DAB1: variants seen among roughly 807,000 people sequenced by gnomAD.
The protein encoded by DAB1 is DAB adaptor protein 1.
DAB1 carries 15 observed loss-of-function variants against 64.6 expected under a neutral mutation model. That is an observed-to-expected ratio of 0.23 (90% CI 0.16 to 0.36). The LOEUF (loss-of-function observed/expected upper bound fraction) is 0.36, where lower values mean the gene tolerates loss of function less well. Among genes scored for constraint, DAB1 ranks in the 10% least tolerant of loss-of-function variants. The pLI is 1.00. For missense variants in DAB1, 596 were observed against 706.7 expected (o/e 0.84, Z 1.78); for synonymous variants, 235 against 251.9 (o/e 0.93, Z 0.64).
chr1:57,201,628 A>T (rs1433124439), intron 2 of DAB1, among the ~76,000 whole-genome samples: 1 of 152,178 alleles, frequency 6.6e-6, no homozygotes, highest in Admixed American at 6.5e-5. Flanking sequence ...ACAACTGTGG[A>T]TTCAGCAGGA....
At chr1:58,316,518 C>T (rs1305769055) in intron 4 of DAB1, among the ~76,000 whole-genome samples, 2 of 151,918 alleles carry the variant, frequency 1.3e-5, no homozygotes, top group Non-Finnish European at 1.5e-5. Context: ...TGCTCAAATC[C>T]AGAGGAGAGG....
intron 3 of DAB1, among the ~76,000 whole-genome samples, chr1:58,345,230 CT>C (rs1643982211): frequency 6.6e-6 from 1 of 152,190 alleles, no homozygotes; most frequent in South Asian, 2.1e-4. Context: ...CATTTCGCCA[CT>C]TCTTGGAACA....
chr1:57,261,861 G>A (rs965309311), intron 2 of DAB1, among the ~76,000 whole-genome samples: 5 of 152,126 alleles, frequency 3.3e-5, no homozygotes, highest in African/African-American at 4.8e-5. Context: ...GATGAAGTGC[G>A]GTAAAAAATG....
chr1:58,458,479 C>A (rs1476543484), intron 3 of DAB1, among the ~76,000 whole-genome samples: 2 of 152,180 alleles, frequency 1.3e-5, no homozygotes, highest in Admixed American at 1.3e-4. Context: ...GTACCAGTAT[C>A]AAAGCTACAG....
intron 1 of DAB1, among the ~76,000 whole-genome samples, chr1:57,301,431 C>T (rs1673645199): frequency 6.6e-6 from 1 of 152,140 alleles, no homozygotes. Flanking sequence ...GGAAGGCTTA[C>T]TGTGTTTATT....
intron 4 of DAB1, among the ~76,000 whole-genome samples, chr1:57,110,129 T>G (rs1216661101): frequency 6.6e-6 from 1 of 152,206 alleles, no homozygotes; most frequent in Non-Finnish European, 1.5e-5. Flanking sequence ...ATTTATCACA[T>G]GCTTATAGAG....
At chr1:58,280,063 A>G (rs1661523153) in intron 4 of DAB1, among the ~76,000 whole-genome samples, 1 of 152,120 alleles carries the variant, frequency 6.6e-6, no homozygotes, top group Admixed American at 6.6e-5. Flanking sequence ...GCCAAGCAGC[A>G]GAAAGAAGAG....
chr1:57,901,661 T>C (rs1473722212), intron 5 of DAB1, among the ~76,000 whole-genome samples: 3 of 152,138 alleles, frequency 2.0e-5, no homozygotes, highest in Admixed American at 2.0e-4. Flanking sequence ...TCTGATATTG[T>C]GTTTTAAAAG....
At chr1:58,188,810 C>T (rs1657231357) in intron 4 of DAB1, among the ~76,000 whole-genome samples, 1 of 152,164 alleles carries the variant, frequency 6.6e-6, no homozygotes, top group Non-Finnish European at 1.5e-5. Context: ...CTTTGTTTTT[C>T]TCTGTTTACA....
intron 4 of DAB1, among the ~76,000 whole-genome samples, chr1:57,129,377 C>T (rs1351528259): frequency 6.6e-6 from 1 of 151,992 alleles, no homozygotes; most frequent in Non-Finnish European, 1.5e-5. Context: ...AAGACACTAA[C>T]CACACAGAGA....
Position 58,337,268 on chromosome 1 carries a change from C to A in DAB1, n.309+6084G>T, listed in dbSNP as rs185101611. Among the ~76,000 whole-genome samples the A allele has an allele frequency of 6.9e-4, 97 of 141,004 alleles. 2 individuals are homozygous for A. The East Asian group carries it at 0.016, about 24-fold the overall frequency. 92.5% of individuals were successfully genotyped at this position (141,004 alleles called of 152,430 possible). A position where few individuals can be genotyped will look rare whatever the true frequency, so the allele number is the denominator to read the frequency against. On this transcript the variant is annotated intron_variant and non_coding_transcript_variant, in intron 4 of 20. Coordinates refer to the DAB1 transcript ENST00000485760. The stretch of plus-strand genomic sequence containing the variant: ...CTGCACTCCAGCCTGGTTGACAGAG[C>A]GAGACTCTGTCTCAAAGAAAAAAAA...
At chr1:57,683,693 T>C (rs932781008) in intron 6 of DAB1, among the ~76,000 whole-genome samples, 2 of 152,120 alleles carry the variant, frequency 1.3e-5, no homozygotes, top group Non-Finnish European at 1.5e-5. Flanking sequence ...AAAGAGTCAG[T>C]GCAAGAACTC....
chr1:57,582,870 C>G (rs959425839), intron 7 of DAB1, among the ~76,000 whole-genome samples: 6 of 152,220 alleles, frequency 3.9e-5, no homozygotes, highest in African/African-American at 1.4e-4. Context: ...TTCCTTCTTG[C>G]AGGTGACTGG....
chr1:58,048,347 C>T, intron 5 of DAB1: 1 of 1,017,068 alleles, frequency 9.8e-7, no homozygotes, highest in Non-Finnish European at 1.6e-6. Flanking sequence ...GTTTTAATTG[C>T]CCAAATCACT....
chr1:57,082,983 G>T (rs1221357216), intron 4 of DAB1, among the ~76,000 whole-genome samples: 1 of 152,124 alleles, frequency 6.6e-6, no homozygotes, highest in Non-Finnish European at 1.5e-5. Context: ...GTGGGTCGGG[G>T]TGCAGATTCC....
chr1:57,390,431 A>C (rs1682252925), intron 1 of DAB1, among the ~76,000 whole-genome samples: 1 of 152,228 alleles, frequency 6.6e-6, no homozygotes, highest in African/African-American at 2.4e-5. Context: ...CAATTCTAGC[A>C]GTTCTATTCA....
At chr1:58,367,058 TAATCCGTG>T (rs1413147897) in intron 3 of DAB1, among the ~76,000 whole-genome samples, 1 of 152,206 alleles carries the variant, frequency 6.6e-6, no homozygotes, top group East Asian at 1.9e-4. Context: ...ATGCATCTTA[TAATCCGTG>T]AGTTAGTGAA....
chr1:57,355,916 AC>A (rs1308403800), intron 1 of DAB1, among the ~76,000 whole-genome samples: 1 of 127,162 alleles, frequency 7.9e-6, no homozygotes, highest in African/African-American at 3.0e-5. Context: ...ACACACACAC[AC>A]ACAAAATGTC....
chr1:58,133,694 A>T (rs893991828), intron 5 of DAB1, among the ~76,000 whole-genome samples: 4 of 152,218 alleles, frequency 2.6e-5, no homozygotes, highest in African/African-American at 9.7e-5. Context: ...GAATAGATGA[A>T]GTCACTAGAC....
Sources: gnomAD v4.1 joint callset for allele counts (sites outside exome capture counted in the v4.1 genomes callset) on GRCh38, gnomAD v4.1.1 for gene constraint, MANE v1.5 for transcripts, NCBI Gene and HGNC (gene_info 2026-07-23, HGNC 2026-07-21) for gene names.